Variants in FMO5 observed in about 807,000 individuals in gnomAD.
The protein encoded by FMO5 is flavin-containing monooxygenase 5.
Under a neutral mutation model 43.6 loss-of-function variants are expected in FMO5, and 51 were observed. The ratio of observed to expected loss-of-function variants is 1.17; its 90% CI spans 0.93 to 1.48. The LOEUF is 1.48. Ranked by LOEUF, FMO5 falls within the 40% of genes most tolerant of loss-of-function variation. The pLI is 0.00. For synonymous variants in FMO5, 187 were observed against 216.5 expected (o/e 0.86, Z 1.20); for missense variants, 644 against 643.0 (o/e 1.00, Z -0.02).
intron 6 of FMO5, 80 bp downstream of exon 6, chr1:147,208,772 G>A (rs6674643): frequency 0.032 from 37,378 of 1,171,468 alleles, 954 homozygotes; most frequent in South Asian, 0.09. Flanking sequence ...GGTAGAGGTG[G>A]CTTTACTATT....
At position 147,201,507 on chromosome 1, in the gene FMO5, G is replaced by C. The variant is rs1553921000; in HGVS notation, c.831-3C>G. On this transcript the variant is annotated splice_polypyrimidine_tract_variant and splice_region_variant and intron_variant, in intron 6 of 8. Transcript: ENST00000254090. Reference sequence around the variant, plus strand: ...AGGTTGGATGCTGACTCAGAGCTCTGTGAGTCGTGACAAAGATCAAGTGGA... The same window carrying C: ...AGGTTGGATGCTGACTCAGAGCTCTCTGAGTCGTGACAAAGATCAAGTGGA... The C allele has an allele frequency of 6.3e-7, 1 of 1,596,910 alleles. No individual in the cohort carries two copies. The highest frequency in any genetic ancestry group is 1.3e-5 in the African/African-American group (1 of 74,514).
chr1:147,190,272 T>G lies in FMO5; in HGVS notation c.1184-23A>C, dbSNP rs782338111. ...GACCTAAAAACAAAAATTAACATTT[T>G]AACTGTAAAATTACCTCAGAAGGAA... is the stretch of plus-strand genomic sequence containing the variant. On this transcript the variant is annotated intron_variant, in intron 7 of 8. Transcript: ENST00000254090. The G allele has an allele frequency of 7.7e-5, 110 of 1,436,892 alleles. 3 individuals are homozygous for G. The South Asian group carries it at 1.1e-3, about 14-fold the overall frequency. The allele number at this position is 1,436,892 out of a possible 1,614,324, so 89.0% of individuals were successfully genotyped here. A position where few individuals can be genotyped will look rare whatever the true frequency, so the allele number is the denominator to read the frequency against.
In FMO5 at chr1:147,187,194, C is replaced by T; in HGVS notation, c.1308G>A (p.Met436Ile). ...CCCCCACCAAATCAGCAAGCTCTTC[C>T]ATGGTATCTATGTAGTCTCCCTGAA... Reference protein sequence around the residue: ...HTIQGDYIDTMEELADLVGVR... With the variant: ...HTIQGDYIDTIEELADLVGVR... The change falls in exon 9 of 9, where the codon ATG (methionine) becomes ATA (isoleucine). Residue 436 changes from methionine to isoleucine, a missense_variant. By Grantham distance (10) the Met-to-Ile change is conservative. Transcript: ENST00000254090. The T allele has an allele frequency of 6.2e-7, 1 of 1,614,078 alleles. No individual in the cohort carries two copies. Among genetic ancestry groups the T allele is most frequent in the South Asian group, 1.1e-5 (1 of 91,064 alleles).
At chr1:147,219,587 C>A (rs1204370157) in intron 2 of FMO5, among the ~76,000 whole-genome samples, 1 of 151,952 alleles carries the variant, frequency 6.6e-6, no homozygotes, top group Non-Finnish European at 1.5e-5. Flanking sequence ...TAAGGATGTC[C>A]TCTCTCACCA....
intron 5 of FMO5, 94 bp from the exon 6 acceptor site, chr1:147,209,145 C>T (rs1248128556): frequency 6.5e-6 from 7 of 1,073,250 alleles, no homozygotes; most frequent in African/African-American, 4.7e-5. Flanking sequence ...TCAGGCCCGG[C>T]GCGGTGGCTC....
intron 7 of FMO5, among the ~76,000 whole-genome samples, chr1:147,192,915 A>T (rs587737713): frequency 6.6e-6 from 1 of 152,152 alleles, no homozygotes; most frequent in African/African-American, 2.4e-5. Context: ...TCAGTTTGCC[A>T]GTATTTTATT....
At position 147,201,229 on chromosome 1, in the gene FMO5, A is replaced by G. The variant is rs189477318; in HGVS notation, c.1106T>C (p.Ile369Thr). The change falls in exon 7 of 9, where the codon ATA becomes ACA. Residue 369 changes from isoleucine (I) to threonine (T), a missense_variant. Coordinates refer to ENST00000254090, the MANE Select transcript of FMO5 (RefSeq NM_001461.4). The part of the protein sequence containing the change: ...PNLERPTLAI[I>T]GLIQPLGAIM... ...GGCTCCTAAGGGCTGAATCAAGCCT[A>G]TGATTGCAAGAGTTGGCCTTTCCAG... 9 of 1,614,184 alleles carry G rather than the reference A, an allele frequency of 5.6e-6. No homozygotes were observed. The highest frequency in any genetic ancestry group is 1.1e-5 in the South Asian group (1 of 91,084).
At chr1:147,203,124 T>TTA (rs1385803248) in intron 6 of FMO5, among the ~76,000 whole-genome samples, 1 of 151,794 alleles carries the variant, frequency 6.6e-6, no homozygotes, top group African/African-American at 2.4e-5. Flanking sequence ...CTTTTTTTTT[T>TTA]TTGACAGTAA....
rs201023390 is a variant in FMO5 at position 147,215,921 on chromosome 1, C to T, written c.157G>A (p.Ala53Thr). 10 of 1,606,596 alleles carry T rather than the reference C, an allele frequency of 6.2e-6. No homozygotes were observed. In the African/African-American group the frequency reaches 1.2e-4, roughly 19 times the overall value. The stretch of plus-strand genomic sequence containing the variant: ...ATGATCACTGATTTGTAAATACTGG[C>T]CCTTCCTTCTTCAGGATTTTCCTGC... ...RFQENPEEGR[A>T]SIYKSVIINT... The change falls in exon 3 of 9, where the codon GCC (alanine) becomes ACC (threonine). Residue 53 changes from alanine to threonine, a missense_variant. Physicochemically the swap from Ala to Thr is moderately conservative, Grantham distance 58. Transcript: ENST00000254090.
intron 7 of FMO5, among the ~76,000 whole-genome samples, chr1:147,197,637 C>T (rs1247600110): frequency 6.6e-6 from 1 of 152,112 alleles, no homozygotes; most frequent in Non-Finnish European, 1.5e-5. Context: ...TCTCCTGCCA[C>T]CCTGTGAAGA....
At chr1:147,225,537 C>T (rs1422788236), upstream of FMO5, 2 of 158,034 alleles carry the variant, frequency 1.3e-5, no homozygotes, top group Non-Finnish European at 1.4e-5. Flanking sequence ...TACAACTTCT[C>T]TATATTTCAG....
chr1:147,190,043 T>G (rs782512243), intron 8 of FMO5, 134 bp downstream of exon 8: 31 of 586,940 alleles, frequency 5.3e-5, no homozygotes, highest in Non-Finnish European at 8.5e-5. Flanking sequence ...TGTCACAAAT[T>G]ATTTTTCCTT....
intron 7 of FMO5, among the ~76,000 whole-genome samples, chr1:147,198,962 A>G (rs151042796): frequency 5.9e-4 from 89 of 151,836 alleles, no homozygotes; most frequent in African/African-American, 2.1e-3. Flanking sequence ...ACTTCTTGTG[A>G]TCCAGAGATT....
intron 2 of FMO5, among the ~76,000 whole-genome samples, chr1:147,216,756 G>A (rs185270281): frequency 1.8e-4 from 27 of 152,254 alleles, no homozygotes; most frequent in South Asian, 8.3e-4. Flanking sequence ...CTTCCCTTGA[G>A]AGATTGTGTT....
chr1:147,218,014 C>T (rs965872947), intron 2 of FMO5, among the ~76,000 whole-genome samples: 1 of 152,148 alleles, frequency 6.6e-6, no homozygotes. Context: ...GTAAGTTTCA[C>T]AAAATGCATA....
At chr1:147,208,795 G>C (rs1336110088) in intron 6 of FMO5, 57 bp downstream of exon 6, 3 of 1,425,978 alleles carry the variant, frequency 2.1e-6, no homozygotes, top group Non-Finnish European at 2.0e-6. Context: ...CCAGTGTGAA[G>C]AGTCCTTATT....
chr1:147,191,997 C>G (rs9725474), intron 7 of FMO5, among the ~76,000 whole-genome samples: 5,526 of 151,972 alleles, frequency 0.036, 144 homozygotes, highest in South Asian at 0.094. Flanking sequence ...GATGCGGGCT[C>G]TTTTTTGGTT....
chr1:147,224,039 C>T (rs1663551729), intron 2 of FMO5: 1 of 410,052 alleles, frequency 2.4e-6, no homozygotes. Context: ...CGATGCGGAT[C>T]CCATCGAGCT....
intron 6 of FMO5, among the ~76,000 whole-genome samples, chr1:147,202,063 T>C (rs1292614471): frequency 1.3e-5 from 2 of 152,278 alleles, no homozygotes; most frequent in Admixed American, 6.5e-5. Context: ...AATGAGGGAA[T>C]TGAGGCCTAG....
Sources: allele counts gnomAD v4.1 joint callset (sites outside exome capture counted in the v4.1 genomes callset), GRCh38; gene constraint gnomAD v4.1.1; transcripts MANE v1.5; gene names NCBI Gene and HGNC (gene_info 2026-07-23, HGNC 2026-07-21).